The following ANKS1A variants were observed in gnomAD, a reference collection of about 807,000 sequenced individuals.
ANKS1A encodes ankyrin repeat and sterile alpha motif domain containing 1A.
Under a neutral mutation model 120.3 loss-of-function variants are expected in ANKS1A, and 55 were observed. The ratio of observed to expected loss-of-function variants is 0.46; its 90% CI spans 0.37 to 0.57. The LOEUF (loss-of-function observed/expected upper bound fraction) is 0.57, where lower values mean the gene tolerates loss of function less well. Ranked by LOEUF, ANKS1A falls within the 20% of genes least tolerant of loss-of-function variation. The probability of loss-of-function intolerance (pLI) is 0.00; values close to 1 mark genes in which losing one functional copy is unlikely to be tolerated. For missense variants in ANKS1A, 1,123 were observed against 1,480.3 expected (o/e 0.76, Z 3.96); for synonymous variants, 590 against 604.7 (o/e 0.98, Z 0.36).
rs533423568 is a variant in ANKS1A, at chr6:34,963,403, T to G, written c.198-3836T>G. 2.6e-5 allele frequency among the ~76,000 whole-genome samples: 4 copies of G among 152,340 alleles called. No homozygotes were observed. The South Asian group carries it at 8.3e-4, about 32-fold the overall frequency. ...GTCTTTTTGTTCCTGGCTTATTTTA[T>G]TACCATAATGTCCTCTAGGTTGATA... On this transcript the variant is annotated intron_variant, in intron 1 of 23. Transcript: ENST00000360359.
intron 10 of ANKS1A, among the ~76,000 whole-genome samples, chr6:35,002,045 T>C (rs772631356): frequency 6.6e-6 from 1 of 152,190 alleles, no homozygotes; most frequent in Non-Finnish European, 1.5e-5. Context: ...GTGACTTTAA[T>C]AAATAGCAAA....
intron 13 of ANKS1A, among the ~76,000 whole-genome samples, chr6:35,074,782 T>C (rs575274571): frequency 1.3e-5 from 2 of 152,328 alleles, no homozygotes; most frequent in East Asian, 3.9e-4. Flanking sequence ...GCTTCCAGCC[T>C]GGCTTTGGGG....
chr6:35,010,181 A>C (rs1030336342), intron 10 of ANKS1A, among the ~76,000 whole-genome samples: 6 of 151,942 alleles, frequency 3.9e-5, no homozygotes, highest in Non-Finnish European at 7.4e-5. Flanking sequence ...TAATAATAAT[A>C]ATTTTTTTTT....
intron 1 of ANKS1A, among the ~76,000 whole-genome samples, chr6:34,894,558 G>A (rs936972477): frequency 2.1e-4 from 32 of 152,066 alleles, no homozygotes; most frequent in African/African-American, 7.7e-4. Context: ...AGGCTGATGT[G>A]GGAGGATTGC....
chr6:34,913,779 T>C (rs1228265432), intron 1 of ANKS1A, among the ~76,000 whole-genome samples: 1 of 151,912 alleles, frequency 6.6e-6, no homozygotes, highest in Non-Finnish European at 1.5e-5. Flanking sequence ...ACTATAGGCG[T>C]GCACCACCAC....
At chr6:34,971,592 C>A (rs1376881154) in intron 3 of ANKS1A, among the ~76,000 whole-genome samples, 1 of 152,136 alleles carries the variant, frequency 6.6e-6, no homozygotes, top group Admixed American at 6.5e-5. Flanking sequence ...GACTATTTTT[C>A]TAATGACTTT....
At chr6:34,920,028 C>G (rs949528012) in intron 1 of ANKS1A, among the ~76,000 whole-genome samples, 6 of 152,096 alleles carry the variant, frequency 3.9e-5, no homozygotes, top group African/African-American at 1.4e-4. Context: ...CTGTCAGCCA[C>G]AGCCATATCC....
chr6:35,093,084 T>G (rs761486978), downstream of ANKS1A, among the ~76,000 whole-genome samples: 1 of 152,050 alleles, frequency 6.6e-6, no homozygotes, highest in Non-Finnish European at 1.5e-5. Context: ...GGGCTCACAC[T>G]GCACCCACTG....
At chr6:34,945,979 A>AT (rs1561863671) in intron 1 of ANKS1A, among the ~76,000 whole-genome samples, 1 of 138,936 alleles carries the variant, frequency 7.2e-6, no homozygotes, top group Non-Finnish European at 1.6e-5. Context: ...TTTTATTTTT[A>AT]TTTATTTTTT....
At chr6:34,979,595 G>GT (rs908686658) in intron 3 of ANKS1A, among the ~76,000 whole-genome samples, 84 of 146,926 alleles carry the variant, frequency 5.7e-4, no homozygotes, top group Admixed American at 8.1e-4. Flanking sequence ...TGTTTTTTTG[G>GT]TTTTTTTTTT....
chr6:35,087,102 A>C, intron 23 of ANKS1A, 53 bp downstream of exon 23: 21 of 1,541,646 alleles, frequency 1.4e-5, no homozygotes, highest in Non-Finnish European at 1.8e-5. Context: ...CACTAGTCTC[A>C]CTGTGCCTTT....
chr6:35,003,183 C>T (rs557656492), intron 10 of ANKS1A, among the ~76,000 whole-genome samples: 2 of 152,162 alleles, frequency 1.3e-5, no homozygotes, highest in South Asian at 2.1e-4. Flanking sequence ...GCCCCCTAAG[C>T]GAATCATACA....
At chr6:35,091,483 G>T, downstream of ANKS1A, 2 of 931,790 alleles carry the variant, frequency 2.1e-6, no homozygotes, top group Non-Finnish European at 2.6e-6. Context: ...CAGGCGAGAC[G>T]CAGGCTCAGG....
intron 11 of ANKS1A, chr6:35,023,623 G>T: frequency 2.1e-6 from 1 of 485,700 alleles, no homozygotes; most frequent in South Asian, 1.6e-5. Context: ...ATGCCTCCAG[G>T]AAAATCTCAG....
intron 12 of ANKS1A, among the ~76,000 whole-genome samples, chr6:35,059,229 G>A (rs929495685): frequency 1.3e-5 from 2 of 152,206 alleles, no homozygotes; most frequent in African/African-American, 4.8e-5. Context: ...TTCAGACGGC[G>A]TGCTGGCCCA....
intron 11 of ANKS1A, among the ~76,000 whole-genome samples, chr6:35,047,472 G>A (rs559691413): frequency 1.8e-4 from 28 of 152,284 alleles, no homozygotes; most frequent in African/African-American, 5.3e-4. Flanking sequence ...GGGGGTGCCC[G>A]AAGGACCAAC....
intron 1 of ANKS1A, among the ~76,000 whole-genome samples, chr6:34,916,033 C>T (rs529256122): frequency 7.4e-6 from 1 of 135,368 alleles, no homozygotes; most frequent in African/African-American, 2.9e-5. Context: ...TGCTCTGTTG[C>T]CCAGGCTGGA....
At position 35,089,774 on chromosome 6, in the gene ANKS1A, G is replaced by A. The variant is rs543470844; in HGVS notation, c.*1165G>A. On this transcript the variant is annotated 3_prime_UTR_variant, in exon 24 of 24. Transcript: ENST00000360359. Reference sequence around the variant, plus strand: ...TAACTTGGGTTGCATTCTTCCCTCTGGACTAGAGTAGAAATGCAGGGGAAA... The same window carrying A: ...TAACTTGGGTTGCATTCTTCCCTCTAGACTAGAGTAGAAATGCAGGGGAAA... 867 of 1,018,002 alleles carry A rather than the reference G, an allele frequency of 8.5e-4. No homozygotes were observed. Among genetic ancestry groups the A allele is most frequent in the Non-Finnish European group, 9.8e-4 (832 of 850,424 alleles). The allele number at this position is 1,018,002 out of a possible 1,614,324, so 63.1% of individuals were successfully genotyped here.
At chr6:35,030,521 G>A (rs1774856266) in intron 11 of ANKS1A, among the ~76,000 whole-genome samples, 1 of 152,146 alleles carries the variant, frequency 6.6e-6, no homozygotes, top group Admixed American at 6.5e-5. Flanking sequence ...GTCTAAAAGT[G>A]ACCTTCTTTA....
Sources: allele counts gnomAD v4.1 joint callset (sites outside exome capture counted in the v4.1 genomes callset), GRCh38; gene constraint gnomAD v4.1.1; transcripts MANE v1.5; gene names NCBI Gene and HGNC (gene_info 2026-07-23, HGNC 2026-07-21).